MALRD1: variants seen among roughly 807,000 people sequenced by gnomAD.
MALRD1 encodes MAM and LDL-receptor class A domain-containing protein 1.
A neutral mutation model predicts 242.1 loss-of-function variants in MALRD1; 247 were observed. The observed-to-expected ratio is 1.02, with a 90% CI of 0.92 to 1.13. The LOEUF (loss-of-function observed/expected upper bound fraction) is 1.13. Among genes scored for constraint, MALRD1 ranks in the 50% most tolerant of loss-of-function variants. The pLI is 0.00. For missense variants in MALRD1, 2,989 were observed against 2,533.1 expected (o/e 1.18, Z -3.86); for synonymous variants, 995 against 866.6 (o/e 1.15, Z -2.60).
At chr10:19,585,764 T>C (rs1229818992) in intron 33 of MALRD1, among the ~76,000 whole-genome samples, 2 of 152,208 alleles carry the variant, frequency 1.3e-5, no homozygotes, top group Non-Finnish European at 2.9e-5. Context: ...TGAATCTGAA[T>C]GTTCGCCTGC....
chr10:19,599,478 A>T (rs986340916), intron 34 of MALRD1, among the ~76,000 whole-genome samples: 2 of 152,162 alleles, frequency 1.3e-5, no homozygotes, highest in Non-Finnish European at 2.9e-5. Context: ...AAAAAGAAGC[A>T]TAGTTAATTA....
intron 21 of MALRD1, among the ~76,000 whole-genome samples, chr10:19,293,292 GC>G (rs1841537135): frequency 6.7e-6 from 1 of 149,658 alleles, no homozygotes; most frequent in Admixed American, 6.6e-5. Context: ...ATATTTTTTT[GC>G]CAAGACACCA....
rs540551067 is a variant in MALRD1 at position 19,321,769 on chromosome 10, T to G, written c.3420-2180T>G. Among the ~76,000 whole-genome samples the G allele has an allele frequency of 7.9e-5, 12 of 152,268 alleles. No homozygotes were observed. In the South Asian group the frequency reaches 2.5e-3, roughly 32 times the overall value. ...TTTGCACCCATTAATCAACTTCACT[T>G]TTTTCCTTCTTGCTCCCACTTCCTG... is the stretch of plus-strand genomic sequence containing the variant. On this transcript the variant is annotated intron_variant, in intron 21 of 39. Transcript: ENST00000454679.
At chr10:19,417,146 A>T (rs1007864093) in intron 28 of MALRD1, among the ~76,000 whole-genome samples, 1 of 152,072 alleles carries the variant, frequency 6.6e-6, no homozygotes, top group African/African-American at 2.4e-5. Context: ...GTTTCTAAAT[A>T]CTGGATTACC....
At chr10:19,710,291 A>C (rs76646476) in intron 38 of MALRD1, 4 of 150,146 alleles carry the variant, frequency 2.7e-5, no homozygotes, top group Non-Finnish European at 5.9e-5. Context: ...TCACTCTTGC[A>C]TTTTTTTTTT....
intron 19 of MALRD1, among the ~76,000 whole-genome samples, chr10:19,265,898 C>G (rs1274971212): frequency 6.6e-6 from 1 of 151,882 alleles, no homozygotes; most frequent in Admixed American, 6.6e-5. Flanking sequence ...TGGGTTCTCT[C>G]ATATTGAGTA....
chr10:19,196,596 A>G (rs1051888064), intron 14 of MALRD1, among the ~76,000 whole-genome samples: 1 of 143,910 alleles, frequency 6.9e-6, no homozygotes, highest in Admixed American at 7.0e-5. Context: ...ATAATTTTCT[A>G]ATTTATATCT....
chr10:19,478,105 T>C (rs1196029830), intron 29 of MALRD1, among the ~76,000 whole-genome samples: 1 of 152,196 alleles, frequency 6.6e-6, no homozygotes, highest in Non-Finnish European at 1.5e-5. Context: ...TACCAAGGAC[T>C]CTCTGGCCCT....
intron 24 of MALRD1, among the ~76,000 whole-genome samples, chr10:19,332,082 T>C (rs1843400040): frequency 6.6e-6 from 1 of 152,090 alleles, no homozygotes; most frequent in African/African-American, 2.4e-5. Flanking sequence ...GCCAGGATGG[T>C]CTTGATCTCT....
intron 28 of MALRD1, among the ~76,000 whole-genome samples, chr10:19,448,154 C>T (rs1835106176): frequency 1.3e-5 from 2 of 152,224 alleles, no homozygotes; most frequent in South Asian, 4.2e-4. Flanking sequence ...GAATGTCCAG[C>T]TCCTTGGTAG....
intron 18 of MALRD1, among the ~76,000 whole-genome samples, chr10:19,213,055 A>C (rs183287462): frequency 2.6e-4 from 39 of 152,158 alleles, no homozygotes; most frequent in Admixed American, 1.8e-3. Context: ...CTCTTAATAG[A>C]TTCTTTTGAA....
At chr10:19,221,859 G>A (rs1159380558) in intron 18 of MALRD1, among the ~76,000 whole-genome samples, 1 of 151,934 alleles carries the variant, frequency 6.6e-6, no homozygotes, top group Admixed American at 6.6e-5. Flanking sequence ...AACCTACGTT[G>A]AAAAGAAAGA....
At chr10:19,461,468 G>A (rs984354819) in intron 29 of MALRD1, among the ~76,000 whole-genome samples, 9 of 152,118 alleles carry the variant, frequency 5.9e-5, no homozygotes, top group African/African-American at 1.7e-4. Flanking sequence ...ACTGTCAAAC[G>A]TAAAAGGAGT....
chr10:19,583,435 G>C (rs1177066485), intron 33 of MALRD1, among the ~76,000 whole-genome samples: 6 of 148,206 alleles, frequency 4.0e-5, no homozygotes, highest in Non-Finnish European at 7.5e-5. Flanking sequence ...TAGCATGAAG[G>C]GTTGTTGAAT....
intron 29 of MALRD1, among the ~76,000 whole-genome samples, chr10:19,490,510 G>GGA (rs766870287): frequency 1.5e-5 from 1 of 67,322 alleles, no homozygotes; most frequent in East Asian, 8.3e-4. Context: ...GTGGGGCGGG[G>GGA]GGGGGGCAGG....
intron 18 of MALRD1, among the ~76,000 whole-genome samples, chr10:19,255,038 G>A (rs1839444683): frequency 6.6e-6 from 1 of 151,948 alleles, no homozygotes; most frequent in Non-Finnish European, 1.5e-5. Flanking sequence ...TAATGTTTAA[G>A]CCTCAAAGTT....
chr10:19,244,056 TA>T (rs2042687385), intron 18 of MALRD1, among the ~76,000 whole-genome samples: 1 of 152,202 alleles, frequency 6.6e-6, no homozygotes, highest in African/African-American at 2.4e-5. Flanking sequence ...ATCAATATGA[TA>T]TGACTTTTCA....
rs140031809 is a variant in MALRD1 at position 19,174,542 on chromosome 10, T to TTCTC, written c.1831-650_1831-647dup. 1.7e-3 allele frequency among the ~76,000 whole-genome samples: 259 copies of TTCTC among 150,620 alleles called. 1 individual carries two copies. The highest frequency in any genetic ancestry group is 6.1e-3 in the African/African-American group (253 of 41,210). On this transcript the variant is annotated intron_variant, in intron 13 of 39. Transcript: ENST00000454679. ...TAAATTACTTCTTCCTTTCCCTCCT[T>TTCTC]TCTCTCTCTCTCTCTCTCTTTTTTT...
At chr10:19,512,626 A>C (rs1833456332) in intron 31 of MALRD1, among the ~76,000 whole-genome samples, 1 of 152,206 alleles carries the variant, frequency 6.6e-6, no homozygotes, top group African/African-American at 2.4e-5. Flanking sequence ...CTAACCAGGA[A>C]ACATACAAAC....
Sources: allele counts gnomAD v4.1 joint callset (sites outside exome capture counted in the v4.1 genomes callset), GRCh38; gene constraint gnomAD v4.1.1; transcripts MANE v1.5; gene names NCBI Gene and HGNC (gene_info 2026-07-23, HGNC 2026-07-21).